The following PDE11A variants were observed in gnomAD, a reference collection of about 807,000 sequenced individuals.
The protein encoded by PDE11A is dual 3',5'-cyclic-AMP and -GMP phosphodiesterase 11A.
In PDE11A, 100 loss-of-function variants were observed where a neutral mutation model predicts 100.5. The observed-to-expected ratio is 1.00, with a 90% confidence interval of 0.85 to 1.18. PDE11A has a LOEUF of 1.18. Among genes scored for constraint, PDE11A ranks in the 50% most tolerant of loss-of-function variants. The pLI is 0.00. For synonymous variants in PDE11A, 381 were observed against 420.8 expected, an observed-to-expected ratio of 0.91 and a Z score of 1.16; for missense variants, 1,141 against 1,152.6, an observed-to-expected ratio of 0.99 and a Z score of 0.15.
chr2:177,818,860 G>GA (rs962538684), intron 7 of PDE11A, among the ~76,000 whole-genome samples: 36 of 144,518 alleles, frequency 2.5e-4, no homozygotes, highest in African/African-American at 4.1e-4. Flanking sequence ...TAGTACAAAA[G>GA]AAAAAAAAAA....
chr2:177,669,471 T>C, intron 18 of PDE11A, 22 bp downstream of exon 18: 2 of 957,112 alleles, frequency 2.1e-6, no homozygotes, highest in Non-Finnish European at 3.4e-6. Flanking sequence ...GTAAATACGT[T>C]ATAATTAAAG....
intron 9 of PDE11A, chr2:177,797,284 G>A (rs145015166): frequency 6.6e-6 from 1 of 152,248 alleles, no homozygotes. Context: ...ATGGCCCTTT[G>A]AAACAGATAG....
At chr2:178,027,544 A>G (rs1009883319) in intron 1 of PDE11A, among the ~76,000 whole-genome samples, 50 of 152,320 alleles carry the variant, frequency 3.3e-4, no homozygotes, top group African/African-American at 1.1e-3. Flanking sequence ...ATTTATCTCT[A>G]TGAAAAACCA....
rs1025112721 is a variant in PDE11A, at chr2:177,651,280, C to A, written c.2646+12586G>T. Among the ~76,000 whole-genome samples the A allele has an allele frequency of 5.9e-5, 9 of 152,268 alleles. 1 individual carries two copies. The highest frequency in any genetic ancestry group is 2.2e-4 in the African/African-American group (9 of 41,558). On this transcript the variant is annotated intron_variant, in intron 19 of 19. Coordinates refer to ENST00000286063, the MANE Select transcript of PDE11A (RefSeq NM_016953.4). ...GGTTGAGAGATGATATTAATGATAA[C>A]AATAGTGACTCACATGCTGGAGGGC...
At chr2:177,688,260 A>G (rs2080985474) in intron 15 of PDE11A, 1 of 152,270 alleles carries the variant, frequency 6.6e-6, no homozygotes, top group African/African-American at 2.4e-5. Flanking sequence ...GAAGAGCTGC[A>G]GATTGCTTGT....
At chr2:178,007,736 G>T (rs193088756) in intron 2 of PDE11A, among the ~76,000 whole-genome samples, 9 of 151,622 alleles carry the variant, frequency 5.9e-5, no homozygotes, top group Non-Finnish European at 1.0e-4. Context: ...ACAGAGTCTC[G>T]CCCTGTCACC....
intron 2 of PDE11A, among the ~76,000 whole-genome samples, chr2:177,962,091 A>G (rs909350978): frequency 6.9e-6 from 1 of 145,152 alleles, no homozygotes; most frequent in African/African-American, 2.5e-5. Context: ...AAGTTTGTCT[A>G]TGCCTACTAC....
chr2:177,946,374 T>G (rs1487883140), intron 2 of PDE11A, among the ~76,000 whole-genome samples: 1 of 91,726 alleles, frequency 1.1e-5, no homozygotes, highest in Admixed American at 1.1e-4. Context: ...GTCCGGGAGG[T>G]GAGGGGCGCC....
chr2:177,815,495 C>T (rs2083023339), intron 9 of PDE11A, among the ~76,000 whole-genome samples: 5 of 152,054 alleles, frequency 3.3e-5, no homozygotes, highest in Admixed American at 6.6e-5. Context: ...TACATATAAA[C>T]GAAGCAGGGC....
At chr2:177,935,914 T>C (rs887156176) in intron 2 of PDE11A, among the ~76,000 whole-genome samples, 4 of 152,200 alleles carry the variant, frequency 2.6e-5, no homozygotes, top group Non-Finnish European at 5.9e-5. Flanking sequence ...CACAGCAACC[T>C]GATCAGTTCT....
intron 1 of PDE11A, among the ~76,000 whole-genome samples, chr2:178,045,519 C>T (rs2086737924): frequency 1.3e-5 from 2 of 152,202 alleles, no homozygotes; most frequent in African/African-American, 4.8e-5. Flanking sequence ...ACACCAGAGA[C>T]AGCAGTTTGT....
At chr2:177,684,426 A>G (rs2080912338) in intron 15 of PDE11A, among the ~76,000 whole-genome samples, 1 of 152,216 alleles carries the variant, frequency 6.6e-6, no homozygotes, top group Non-Finnish European at 1.5e-5. Flanking sequence ...TAAATGTAAA[A>G]CATCCATAAT....
At chr2:177,960,100 T>A (rs1048321525) in intron 2 of PDE11A, among the ~76,000 whole-genome samples, 5 of 152,134 alleles carry the variant, frequency 3.3e-5, no homozygotes, top group African/African-American at 4.8e-5. Context: ...ATTTTTTTTT[T>A]ATCTCTGGAC....
At chr2:177,664,355 G>A (rs10183536) in intron 18 of PDE11A, among the ~76,000 whole-genome samples, 1 of 152,002 alleles carries the variant, frequency 6.6e-6, no homozygotes, top group African/African-American at 2.4e-5. Context: ...AGGACAAATC[G>A]GAAAATATCC....
chr2:177,833,105 G>T (rs111254722), intron 6 of PDE11A, among the ~76,000 whole-genome samples: 9 of 152,160 alleles, frequency 5.9e-5, no homozygotes, highest in African/African-American at 1.9e-4. Context: ...CTTCTGAGGA[G>T]GCAAGAATTG....
chr2:178,029,658 A>G (rs1034588661), intron 1 of PDE11A, among the ~76,000 whole-genome samples: 1 of 152,196 alleles, frequency 6.6e-6, no homozygotes, highest in East Asian at 1.9e-4. Context: ...ATAAGAGCAA[A>G]AGTTAATGAA....
chr2:177,881,541 A>T (rs1014489062), intron 4 of PDE11A, among the ~76,000 whole-genome samples: 2 of 152,226 alleles, frequency 1.3e-5, no homozygotes, highest in Non-Finnish European at 2.9e-5. Context: ...ATTATTTGGC[A>T]AGGCAATATA....
chr2:177,970,817 C>T (rs533861468), intron 2 of PDE11A, among the ~76,000 whole-genome samples: 10 of 152,076 alleles, frequency 6.6e-5, no homozygotes, highest in African/African-American at 1.7e-4. Flanking sequence ...ACGGGAGGTA[C>T]AACAGGGGAA....
intron 1 of PDE11A, among the ~76,000 whole-genome samples, chr2:178,020,390 A>G (rs1305637881): frequency 6.6e-6 from 1 of 152,228 alleles, no homozygotes; most frequent in African/African-American, 2.4e-5. Context: ...TCACATGAGA[A>G]CAATAGACAC....
Sources: gnomAD v4.1 joint callset for allele counts (sites outside exome capture counted in the v4.1 genomes callset) on GRCh38, gnomAD v4.1.1 for gene constraint, MANE v1.5 for transcripts, NCBI Gene and HGNC (gene_info 2026-07-23, HGNC 2026-07-21) for gene names.